FCER1A: variants seen among roughly 807,000 people sequenced by gnomAD.
FCER1A encodes the protein Fc epsilon receptor Ia.
FCER1A carries 24 observed loss-of-function variants against 23.6 expected under a neutral mutation model. That is an observed-to-expected ratio of 1.02 (90% CI 0.74 to 1.43). FCER1A has a LOEUF of 1.43. Among genes scored for constraint, FCER1A ranks in the 40% most tolerant of loss-of-function variants. FCER1A has a pLI of 0.00. For synonymous variants in FCER1A, 121 were observed against 108.8 expected (o/e 1.11, Z -0.70); for missense variants, 318 against 294.5 (o/e 1.08, Z -0.58).
chr1:159,295,762 T>A (rs962440562), intron 1 of FCER1A, among the ~76,000 whole-genome samples: 3 of 152,146 alleles, frequency 2.0e-5, no homozygotes, highest in Non-Finnish European at 4.4e-5. Context: ...CCTTTTTTCT[T>A]CTTCAGAATT....
chr1:159,285,700 A>T (rs1445743633), upstream of FCER1A, among the ~76,000 whole-genome samples: 1 of 152,104 alleles, frequency 6.6e-6, no homozygotes, highest in African/African-American at 2.4e-5. Context: ...TGTTACAAAT[A>T]TTGCATGGAA....
intron 2 of FCER1A, among the ~76,000 whole-genome samples, chr1:159,303,564 A>G (rs566240518): frequency 5.3e-5 from 8 of 152,342 alleles, no homozygotes; most frequent in South Asian, 2.1e-4. Context: ...TAATGTAACA[A>G]TGGTTGAACA....
chr1:159,285,235 C>T (rs1007294142), upstream of FCER1A, among the ~76,000 whole-genome samples: 1 of 152,196 alleles, frequency 6.6e-6, no homozygotes, highest in Non-Finnish European at 1.5e-5. Flanking sequence ...AAAAATGTCT[C>T]TAAACATTAC....
chr1:159,302,441 C>A lies in FCER1A; in HGVS notation c.55+22C>A, dbSNP rs200066754. ...TTCGGTAAGTAGAGATTCAATTACC[C>A]CTCCCAGGGAGGCCCAAATGAATTT... On this transcript the variant is annotated intron_variant, in intron 1 of 4. Transcript: ENST00000693622. 1.8e-3 allele frequency: 2,811 copies of A among 1,552,866 alleles called. 11 individuals carry two copies. The highest frequency in any genetic ancestry group is 3.2e-3 in the South Asian group (283 of 89,826).
chr1:159,292,768 C>A (rs1411823118), intron 1 of FCER1A, among the ~76,000 whole-genome samples: 1 of 152,080 alleles, frequency 6.6e-6, no homozygotes, highest in Non-Finnish European at 1.5e-5. Flanking sequence ...GAAGCAGGAC[C>A]TGTAAGAGGT....
upstream of FCER1A, among the ~76,000 whole-genome samples, chr1:159,302,118 T>C (rs1224219484): frequency 6.6e-6 from 1 of 152,178 alleles, no homozygotes; most frequent in Non-Finnish European, 1.5e-5. Flanking sequence ...CCTATGCCTC[T>C]CTCTCACCAG....
chr1:159,298,822 A>G (rs894116145), upstream of FCER1A, among the ~76,000 whole-genome samples: 5 of 152,382 alleles, frequency 3.3e-5, no homozygotes, highest in African/African-American at 1.2e-4. Flanking sequence ...CTTATAGAAC[A>G]GAAAGTTGGT....
chr1:159,296,672 A>G (rs1379445077), intron 1 of FCER1A, among the ~76,000 whole-genome samples: 6 of 152,220 alleles, frequency 3.9e-5, no homozygotes, highest in African/African-American at 1.4e-4. Context: ...GAATCAGGCC[A>G]ATTATTTAGT....
chr1:159,305,787 G>C (rs1419724198), intron 3 of FCER1A, among the ~76,000 whole-genome samples: 1 of 152,148 alleles, frequency 6.6e-6, no homozygotes, highest in African/African-American at 2.4e-5. Context: ...GACTTTTCAG[G>C]AGGGGAAAGG....
At chr1:159,296,505 A>T (rs1273454438) in intron 1 of FCER1A, among the ~76,000 whole-genome samples, 1 of 152,218 alleles carries the variant, frequency 6.6e-6, no homozygotes, top group African/African-American at 2.4e-5. Flanking sequence ...TTTCCAGTAA[A>T]AGCCAAGGAT....
At chr1:159,286,476 GCGCC>G (rs1475391587), upstream of FCER1A, among the ~76,000 whole-genome samples, 2 of 151,886 alleles carry the variant, frequency 1.3e-5, no homozygotes, top group African/African-American at 4.8e-5. Context: ...GGGACTACAG[GCGCC>G]CGCCACCACG....
At chr1:159,299,819 C>T (rs1177662626), upstream of FCER1A, among the ~76,000 whole-genome samples, 1 of 151,958 alleles carries the variant, frequency 6.6e-6, no homozygotes, top group Non-Finnish European at 1.5e-5. Context: ...TGTGTATCAG[C>T]CCGTTCTTCC....
chr1:159,299,770 T>C (rs1471376160), upstream of FCER1A, among the ~76,000 whole-genome samples: 1 of 152,172 alleles, frequency 6.6e-6, no homozygotes, highest in Non-Finnish European at 1.5e-5. Flanking sequence ...GAAGGACTTT[T>C]TTTTTTATAT....
rs1652466977 is a variant in FCER1A, at chr1:159,302,544, C to A, written c.55+125C>A. The A allele has an allele frequency of 1.3e-5, 10 of 792,684 alleles. No individual in the cohort carries two copies. The East Asian group carries it at 2.5e-4, about 19-fold the overall frequency. The allele number at this position is 792,684 out of a possible 1,614,324, so 49.1% of individuals were successfully genotyped here. A position where few individuals can be genotyped will look rare whatever the true frequency, so the allele number is the denominator to read the frequency against. On this transcript the variant is annotated intron_variant, in intron 1 of 4. Coordinates refer to ENST00000693622, the MANE Select transcript of FCER1A (RefSeq NM_001387280.1). ...CATGTGCAAACTATTGGGCATTTCC[C>A]AGGGACTCTGTAGTGGAGCCAAGCT...
chr1:159,302,465 T>C (rs759007453), intron 1 of FCER1A, 46 bp downstream of exon 1: 28 of 1,358,328 alleles, frequency 2.1e-5, no homozygotes, highest in East Asian at 1.1e-4. Flanking sequence ...CCAAATGAAT[T>C]TGGGGAGCAG....
At chr1:159,301,255 G>A (rs530920019), upstream of FCER1A, among the ~76,000 whole-genome samples, 1 of 152,082 alleles carries the variant, frequency 6.6e-6, no homozygotes, top group African/African-American at 2.4e-5. Context: ...TCATTTAAAA[G>A]CAATCTTTGC....
At chr1:159,304,553 G>A (rs1461310291) in intron 3 of FCER1A, among the ~76,000 whole-genome samples, 1 of 152,168 alleles carries the variant, frequency 6.6e-6, no homozygotes. Context: ...GTTGCAGTGA[G>A]CTGAGATCAC....
upstream of FCER1A, among the ~76,000 whole-genome samples, chr1:159,288,040 A>G (rs927225671): frequency 2.6e-5 from 4 of 152,172 alleles, no homozygotes; most frequent in African/African-American, 9.6e-5. Flanking sequence ...CAATTTTCAT[A>G]TATTGTGATA....
chr1:159,286,275 T>C (rs922762890), upstream of FCER1A, among the ~76,000 whole-genome samples: 1 of 152,168 alleles, frequency 6.6e-6, no homozygotes, highest in Non-Finnish European at 1.5e-5. Context: ...AACAGCTTGC[T>C]CCTCCATTCA....
Sources: allele counts gnomAD v4.1 joint callset (sites outside exome capture counted in the v4.1 genomes callset), GRCh38; gene constraint gnomAD v4.1.1; transcripts MANE v1.5; gene names NCBI Gene and HGNC (gene_info 2026-07-23, HGNC 2026-07-21).